The following SSC5D variants were observed in gnomAD, a reference collection of about 807,000 sequenced individuals.
SSC5D encodes the protein scavenger receptor cysteine rich family member with 5 domains, also known as soluble scavenger receptor cysteine-rich domain-containing protein SSC5D.
In SSC5D, 106 loss-of-function variants were observed where a neutral mutation model predicts 104.6. That is an observed-to-expected ratio of 1.01 (90% CI 0.87 to 1.19). The LOEUF (loss-of-function observed/expected upper bound fraction) is 1.19. Among genes scored for constraint, SSC5D ranks in the 50% most tolerant of loss-of-function variants. The pLI is 0.00. For synonymous variants in SSC5D, 860 were observed against 883.5 expected (o/e 0.97, Z 0.47); for missense variants, 1,993 against 2,153.8 (o/e 0.93, Z 1.48).
At chr19:55,495,038 G>C (rs1374961208) in intron 8 of SSC5D, among the ~76,000 whole-genome samples, 4 of 151,458 alleles carry the variant, frequency 2.6e-5, no homozygotes, top group Admixed American at 6.6e-5. Context: ...TCCTGGATAA[G>C]AGAAAGGATG....
chr19:55,490,107 C>A (rs554983970), intron 4 of SSC5D, 112 bp downstream of exon 4: 1 of 661,870 alleles, frequency 1.5e-6, no homozygotes, highest in Non-Finnish European at 2.5e-6. Flanking sequence ...CCTGCCCCCA[C>A]CGAGGGGAGA....
rs764540736 is a variant in SSC5D, at chr19:55,500,748, G to A, written c.2561G>A (p.Gly854Glu). The change falls in exon 11 of 14, where the codon GGG becomes GAG. Residue 854 changes from glycine (G) to glutamate (E), a missense_variant. Gly to Glu is a moderately conservative substitution (Grantham distance 98). Transcript: ENST00000389623. This position sits in a 1 kb window ranked among gnomAD's most constrained non-coding sequence, Gnocchi z 4.6. Reference sequence around the variant, plus strand: ...GCCTCACTGAGCGACTGCCCCTCGGGGGCTTGGGGGAAGCACAACTGTGAC... The same window carrying A: ...GCCTCACTGAGCGACTGCCCCTCGGAGGCTTGGGGGAAGCACAACTGTGAC... ...SEASLSDCPS[G>E]AWGKHNCDHE... is the part of the protein sequence containing the mutation. The A allele has an allele frequency of 1.9e-6, 3 of 1,551,648 alleles. No homozygotes were observed. Among genetic ancestry groups the A allele is most frequent in the Non-Finnish European group, 2.6e-6 (3 of 1,146,986 alleles).
chr19:55,498,064 C>T lies in SSC5D; in HGVS notation c.1572C>T (p.Gly524=), dbSNP rs1170691758. The T allele has an allele frequency of 6.4e-7, 1 of 1,551,668 alleles. No individual in the cohort carries two copies. Among genetic ancestry groups the T allele is most frequent in the Non-Finnish European group, 8.7e-7 (1 of 1,146,970 alleles). Residue 524 remains glycine, a synonymous_variant, in exon 9 of 14, where the codon GGC becomes GGT. Transcript: ENST00000389623. ...CAGACCCTGCTGCTGGCCGCTTTGG[C>T]TGGGGTGCGGGCCCCATCTGGCTAG... The part of the protein sequence containing the change: ...QQPDPAAGRF[G]WGAGPIWLDD...
intron 9 of SSC5D, 39 bp from the exon 10 acceptor site, chr19:55,499,777 G>A: frequency 1.3e-6 from 2 of 1,488,264 alleles, no homozygotes; most frequent in Non-Finnish European, 1.8e-6. Flanking sequence ...TGTCATCATG[G>A]TGTCTCTGTC....
chr19:55,488,532 C>T lies in SSC5D; in HGVS notation c.-58C>T. ...CTCCCTCTCTCCCCAGCTGCCTCCTCCTCTTCTCTCCCCGCTCTCCTTCCC... is the reference window on the plus strand; with the variant it reads ...CTCCCTCTCTCCCCAGCTGCCTCCTTCTCTTCTCTCCCCGCTCTCCTTCCC... On this transcript the variant is annotated 5_prime_UTR_variant, in exon 1 of 14. Transcript: ENST00000389623. The T allele has an allele frequency of 1.3e-6, 2 of 1,507,956 alleles. No homozygotes were observed. Among genetic ancestry groups the T allele is most frequent in the South Asian group, 1.2e-5 (1 of 83,132 alleles). 93.4% of individuals were successfully genotyped at this position (1,507,956 alleles called of 1,614,324 possible). A position where few individuals can be genotyped will look rare whatever the true frequency, so the allele number is the denominator to read the frequency against.
chr19:55,496,148 C>T (rs1402408860), intron 8 of SSC5D, among the ~76,000 whole-genome samples: 1 of 151,976 alleles, frequency 6.6e-6, no homozygotes, highest in Non-Finnish European at 1.5e-5. Flanking sequence ...GGGAGGGTGG[C>T]GACTCAGAGG....
chr19:55,514,385 A>G (rs1165293787), intron 13 of SSC5D, among the ~76,000 whole-genome samples: 4 of 148,574 alleles, frequency 2.7e-5, no homozygotes, highest in Admixed American at 1.4e-4. Context: ...AGCCTGGGCA[A>G]CAGAGTGAGA....
chr19:55,509,826 T>TGA lies in SSC5D; in HGVS notation c.2786-3184_2786-3183insAG, dbSNP rs72469881. Among the ~76,000 whole-genome samples the TGA allele has an allele frequency of 1.6e-4, 20 of 127,622 alleles. No individual in the cohort carries two copies. The South Asian group carries it at 5.1e-3, about 33-fold the overall frequency. The allele number at this position is 127,622 out of a possible 152,430, so 83.7% of individuals were successfully genotyped here. On this transcript the variant is annotated intron_variant, in intron 12 of 13. Coordinates refer to ENST00000389623, the MANE Select transcript of SSC5D (RefSeq NM_001144950.2). ...GTGAGCCGAGATCTTGCCATTGCAC[T>TGA]GCAACAAGAGCGAAACTCTGTCTCA...
At position 55,498,052 on chromosome 19, in the gene SSC5D, TG is replaced by T; in HGVS notation, c.1562del (p.Gly521AlafsTer12). The T allele has an allele frequency of 6.4e-7, 1 of 1,551,748 alleles. No individual in the cohort carries two copies. Among genetic ancestry groups the T allele is most frequent in the Non-Finnish European group, 8.7e-7 (1 of 1,146,998 alleles). On this transcript the variant is annotated frameshift_variant, in exon 9 of 14. Coordinates refer to ENST00000389623, the MANE Select transcript of SSC5D (RefSeq NM_001144950.2). LOFTEE classifies it high-confidence loss of function. Reference sequence around the variant, plus strand: ...GACCTCAGCAGCCAGACCCTGCTGCTGGCCGCTTTGGCTGGGGTGCGGGCCC... The same window carrying T: ...GACCTCAGCAGCCAGACCCTGCTGCTGCCGCTTTGGCTGGGGTGCGGGCCC... ...GGPQQPDPAA[G>X]RFGWGAGPIW...
intron 13 of SSC5D, 139 bp downstream of exon 13, chr19:55,513,311 G>T: frequency 1.1e-6 from 1 of 928,724 alleles, no homozygotes; most frequent in Non-Finnish European, 1.5e-6. Context: ...GTTATCGGCT[G>T]AGCATGGTGG....
intron 9 of SSC5D, among the ~76,000 whole-genome samples, chr19:55,499,435 C>T (rs1987411527): frequency 6.6e-6 from 1 of 152,126 alleles, no homozygotes; most frequent in Non-Finnish European, 1.5e-5. Context: ...ACCTGGGTAC[C>T]CCACTGGTGG....
At chr19:55,493,056 C>G (rs1320179893) in intron 6 of SSC5D, among the ~76,000 whole-genome samples, 1 of 152,082 alleles carries the variant, frequency 6.6e-6, no homozygotes, top group Admixed American at 6.5e-5. Context: ...TGAAATGTAC[C>G]CTATGTATCC....
In SSC5D at chr19:55,517,296, C is replaced by G; in HGVS notation, c.3020C>G (p.Pro1007Arg). Residue 1007 changes from proline to arginine, a missense_variant, in exon 14 of 14, where the codon CCG (proline) becomes CGG (arginine). This residue lies in a region of SSC5D where 423 missense variants were observed against 409.2 expected (regional missense o/e 1.03). Transcript: ENST00000389623. ...PAATRTAPPT[P>R]SPGPSASPGP... ...GCGACCAGGACAGCGCCCCCAACCC[C>G]GTCCCCAGGTCCCTCCGCCTCTCCG... 6.5e-7 allele frequency: 1 copy of G among 1,548,912 alleles called. No individual in the cohort carries two copies. The highest frequency in any genetic ancestry group is 8.7e-7 in the Non-Finnish European group (1 of 1,146,804).
intron 6 of SSC5D, 85 bp downstream of exon 6, chr19:55,491,165 G>C (rs760039883): frequency 4.2e-5 from 60 of 1,429,460 alleles, no homozygotes; most frequent in Non-Finnish European, 5.2e-5. Flanking sequence ...CAGCGGGCCT[G>C]CTCCCAGCTC....
intron 13 of SSC5D, among the ~76,000 whole-genome samples, chr19:55,516,013 T>G (rs953601905): frequency 6.6e-6 from 1 of 152,050 alleles, no homozygotes; most frequent in Admixed American, 6.5e-5. Flanking sequence ...TTCTGTAAAA[T>G]GGGGATAAAA....
In SSC5D at chr19:55,496,243, G is replaced by C. The variant is rs527941847; in HGVS notation, c.1387+1460G>C. Among the ~76,000 whole-genome samples the C allele has an allele frequency of 2.0e-5, 3 of 152,230 alleles. No homozygotes were observed. In the East Asian group the frequency reaches 5.8e-4, roughly 29 times the overall value. On this transcript the variant is annotated intron_variant, in intron 8 of 13. Transcript: ENST00000389623. ...CAGGGTGTGAGAGCCCAGTGGAGAG[G>C]GTGGTTTGCACACGAAAGGCATGCT...
rs74181759 is a variant in SSC5D, at chr19:55,495,233, A to AT, written c.1387+477dup. 1.4e-4 allele frequency among the ~76,000 whole-genome samples: 7 copies of AT among 50,664 alleles called. 1 individual carries two copies. The highest frequency in any genetic ancestry group is 9.5e-4 in the East Asian group (1 of 1,056). 33.2% of individuals were successfully genotyped at this position (50,664 alleles called of 152,430 possible). ...CCTCCTTTCATATATATATATATAT[A>AT]TTTTTTTTTTTTTTTTTTTTTTTTT... On this transcript the variant is annotated intron_variant, in intron 8 of 13. Coordinates refer to ENST00000389623, the MANE Select transcript of SSC5D (RefSeq NM_001144950.2).
chr19:55,515,140 T>C (rs1173950698), intron 13 of SSC5D, among the ~76,000 whole-genome samples: 6 of 152,152 alleles, frequency 3.9e-5, no homozygotes, highest in African/African-American at 1.2e-4. Context: ...ACGCCTGAAA[T>C]TCCAGCACTT....
Position 55,489,681 on chromosome 19 carries a change from C to A in SSC5D, c.361+19C>A, listed in dbSNP as rs1286131938. On this transcript the variant is annotated intron_variant, in intron 3 of 13. Transcript: ENST00000389623. ...TGCGCAGGTGAGGACACCCTGGCTG[C>A]TCCTTCAGGGGGAGCTCCTTTGGAG... 16 of 1,527,486 alleles carry A rather than the reference C, an allele frequency of 1.0e-5. No homozygotes were observed. The highest frequency in any genetic ancestry group is 2.4e-5 in the South Asian group (2 of 82,672). 94.6% of individuals were successfully genotyped at this position (1,527,486 alleles called of 1,614,324 possible). A position where few individuals can be genotyped will look rare whatever the true frequency, so the allele number is the denominator to read the frequency against.
Sources: gnomAD v4.1 joint callset for allele counts (sites outside exome capture counted in the v4.1 genomes callset) on GRCh38, gnomAD v4.1.1 for gene constraint, gnomAD v4.1.1 regional missense constraint, Gnocchi (gnomAD v3.1) non-coding constraint, MANE v1.5 for transcripts, NCBI Gene and HGNC (gene_info 2026-07-23, HGNC 2026-07-21) for gene names.